The following TUBE1 variants were observed in gnomAD, a reference collection of about 807,000 sequenced individuals.
TUBE1 encodes the protein tubulin epsilon chain.
Under a neutral mutation model 53.5 loss-of-function variants are expected in TUBE1, and 34 were observed. The ratio of observed to expected loss-of-function variants is 0.64; its 90% CI spans 0.48 to 0.85. The LOEUF is 0.85. Ranked by LOEUF, TUBE1 falls within the 40% of genes least tolerant of loss-of-function variation. The pLI is 0.00. For missense variants in TUBE1, 532 were observed against 570.5 expected (o/e 0.93, Z 0.69); for synonymous variants, 177 against 198.4 (o/e 0.89, Z 0.91).
At position 112,087,436 on chromosome 6, in the gene TUBE1, G is replaced by C. The variant is rs147330886; in HGVS notation, c.-2C>G. 8.5e-4 allele frequency: 1,322 copies of C among 1,550,382 alleles called. 16 individuals are homozygous for C. The African/African-American group carries it at 0.016, about 19-fold the overall frequency. On this transcript the variant is annotated 5_prime_UTR_variant, in exon 1 of 12. Transcript: ENST00000368662. The stretch of plus-strand genomic sequence containing the variant: ...CTGTACGACCACCGACTGGGTCATG[G>C]TGGTGCGCCGCCGGCTCCGGGAGCT...
intron 8 of TUBE1, chr6:112,075,720 G>A: frequency 2.6e-6 from 1 of 386,976 alleles, no homozygotes; most frequent in Non-Finnish European, 4.6e-6. Context: ...TACATCATAT[G>A]ATATCTGTTC....
intron 7 of TUBE1, 56 bp from the exon 8 acceptor site, chr6:112,076,168 T>C: frequency 6.6e-7 from 1 of 1,519,454 alleles, no homozygotes; most frequent in Non-Finnish European, 8.9e-7. Flanking sequence ...ATGTAGATGA[T>C]ATTCTACTAG....
chr6:112,084,334 A>G, intron 3 of TUBE1, 88 bp from the exon 4 acceptor site: 1 of 1,082,516 alleles, frequency 9.2e-7, no homozygotes, highest in Admixed American at 1.9e-5. Context: ...CATTTATATA[A>G]TAAGACTGCT....
Position 112,071,359 on chromosome 6 carries a change from A to G in TUBE1, c.*53T>C. The G allele has an allele frequency of 1.4e-6, 2 of 1,409,190 alleles. No homozygotes were observed. The highest frequency in any genetic ancestry group is 1.9e-6 in the Non-Finnish European group (2 of 1,064,760). The allele number at this position is 1,409,190 out of a possible 1,614,324, so 87.3% of individuals were successfully genotyped here. A position where few individuals can be genotyped will look rare whatever the true frequency, so the allele number is the denominator to read the frequency against. On this transcript the variant is annotated 3_prime_UTR_variant, in exon 12 of 12. Coordinates refer to ENST00000368662, the MANE Select transcript of TUBE1 (RefSeq NM_016262.5). ...CAAATTACAAAAATGTTGAAACAGAAAGGTCAGAAAAAACAATGTGAAATT... is the reference window on the plus strand; with the variant it reads ...CAAATTACAAAAATGTTGAAACAGAGAGGTCAGAAAAAACAATGTGAAATT...
intron 9 of TUBE1, among the ~76,000 whole-genome samples, chr6:112,073,719 A>C (rs1252452252): frequency 2.6e-5 from 4 of 152,186 alleles, no homozygotes; most frequent in African/African-American, 9.6e-5. Context: ...ATCTTGTCAA[A>C]ACTTTAGTTA....
intron 11 of TUBE1, 114 bp downstream of exon 11, chr6:112,071,788 T>G: frequency 8.1e-6 from 9 of 1,106,896 alleles, no homozygotes; most frequent in Non-Finnish European, 1.1e-5. Context: ...TTATAATCAG[T>G]ACAACGCACA....
intron 6 of TUBE1, among the ~76,000 whole-genome samples, chr6:112,079,136 T>C (rs1462523232): frequency 6.6e-6 from 1 of 152,014 alleles, no homozygotes; most frequent in Admixed American, 6.6e-5. Context: ...TCTAAAGGAA[T>C]TGACTAAACT....
chr6:112,081,207 C>A lies in TUBE1; in HGVS notation c.211G>T (p.Ala71Ser). 6.6e-7 allele frequency: 1 copy of A among 1,521,520 alleles called. No homozygotes were observed. The highest frequency in any genetic ancestry group is 9.0e-7 in the Non-Finnish European group (1 of 1,111,136). 94.3% of individuals were successfully genotyped at this position (1,521,520 alleles called of 1,614,324 possible). The change falls in exon 5 of 12, where the codon GCA (alanine) becomes TCA (serine). Residue 71 changes from alanine to serine, a missense_variant and splice_region_variant. Physicochemically the swap from Ala to Ser is moderately conservative, Grantham distance 99. Coordinates refer to ENST00000368662, the MANE Select transcript of TUBE1 (RefSeq NM_016262.5). ...KGKICSLKAR[A>S]VLIDMEEGVV... ...CCTTCTTCCATATCAATCAAGACTG[C>A]CTGAGAAAGAAAAATAAAATATAAT...
Position 112,081,189 on chromosome 6 carries a change from C to G in TUBE1, c.229G>C (p.Glu77Gln). ...AGAATTTCATTCACTACCCCTTCTT[C>G]CATATCAATCAAGACTGCCTGAGAA... is the stretch of plus-strand genomic sequence containing the variant. ...LKARAVLIDM[E>Q]EGVVNEILQG... is the part of the protein sequence containing the mutation. The change falls in exon 5 of 12, where the codon GAA (glutamate) becomes CAA (glutamine). Residue 77 changes from glutamate to glutamine, a missense_variant. Transcript: ENST00000368662. 1.3e-6 allele frequency: 2 copies of G among 1,599,676 alleles called. No homozygotes were observed. The highest frequency in any genetic ancestry group is 8.5e-7 in the Non-Finnish European group (1 of 1,170,734).
At chr6:112,085,788 C>A (rs1554317258) in intron 3 of TUBE1, 1 of 461,936 alleles carries the variant, frequency 2.2e-6, no homozygotes. Flanking sequence ...AGAATTTGGT[C>A]TTTGGTTAAC....
chr6:112,075,052 CATTT>C (rs1475735803), intron 8 of TUBE1: 1 of 232,766 alleles, frequency 4.3e-6, no homozygotes, highest in East Asian at 7.5e-5. Flanking sequence ...ACAACATCTA[CATTT>C]TTTTTTTCTT....
In TUBE1 at chr6:112,071,589, G is replaced by A; in HGVS notation, c.1270-19C>T. 1 of 1,571,026 alleles carries A rather than the reference G, an allele frequency of 6.4e-7. No homozygotes were observed. Among genetic ancestry groups the A allele is most frequent in the Non-Finnish European group, 8.7e-7 (1 of 1,153,472 alleles). On this transcript the variant is annotated intron_variant, in intron 11 of 11. Coordinates refer to ENST00000368662, the MANE Select transcript of TUBE1 (RefSeq NM_016262.5). ...GGTGAGCCTATAAATTAAAAAATTA[G>A]GTAACGTTTACCATTTCAGGAACTT...
intron 4 of TUBE1, 39 bp from the exon 5 acceptor site, chr6:112,081,246 TTTAGAG>T (rs1436355464): frequency 1.4e-5 from 16 of 1,158,604 alleles, no homozygotes; most frequent in Non-Finnish European, 2.0e-5. Context: ...TGTATTTTCT[TTTAGAG>T]TTATTCACTC....
rs1554315217 is a variant in TUBE1 at position 112,071,015 on chromosome 6, T to A, written c.*397A>T. On this transcript the variant is annotated 3_prime_UTR_variant, in exon 12 of 12. Transcript: ENST00000368662. ...GTTCTTCTACTCCCAATAACTACTTTTAAAGAATCAGGATAACTTAAATAG... is the reference window on the plus strand; with the variant it reads ...GTTCTTCTACTCCCAATAACTACTTATAAAGAATCAGGATAACTTAAATAG... The A allele has an allele frequency of 6.6e-6, 1 of 152,010 alleles. No homozygotes were observed. Among genetic ancestry groups the A allele is most frequent in the Non-Finnish European group, 1.5e-5 (1 of 67,962 alleles). 9.4% of individuals were successfully genotyped at this position (152,010 alleles called of 1,614,324 possible).
intron 2 of TUBE1, chr6:112,086,948 T>G (rs1431012634): frequency 7.8e-6 from 4 of 511,816 alleles, no homozygotes; most frequent in African/African-American, 1.9e-5. Context: ...GTTATCTATT[T>G]TACAAAGTAC....
At chr6:112,081,324 T>G in intron 4 of TUBE1, 117 bp from the exon 5 acceptor site, 2 of 445,254 alleles carry the variant, frequency 4.5e-6, no homozygotes, top group Non-Finnish European at 3.9e-6. Context: ...TTAAGCTTAA[T>G]TAAAATCTTT....
rs1464005765 is a variant in TUBE1 at position 112,071,431 on chromosome 6, C to T, written c.1409G>A (p.Arg470Lys). 1 of 1,589,442 alleles carries T rather than the reference C, an allele frequency of 6.3e-7. No individual in the cohort carries two copies. The highest frequency in any genetic ancestry group is 1.3e-5 in the African/African-American group (1 of 74,642). Reference protein sequence around the residue: ...TKNMPVQDLPRLSIAM With the variant: ...TKNMPVQDLPKLSIAM ...TCTTTTTCACATAGCTATGCTTAGT[C>T]TGGGTAAATCCTGCACAGGCATGTT... Residue 470 changes from arginine to lysine, a missense_variant, in exon 12 of 12, where the codon AGA (arginine) becomes AAA (lysine). Arg to Lys is a conservative substitution (Grantham distance 26). Transcript: ENST00000368662.
chr6:112,081,377 T>C (rs1777068441), intron 4 of TUBE1, among the ~76,000 whole-genome samples, 170 bp from the exon 5 acceptor site: 2 of 152,090 alleles, frequency 1.3e-5, no homozygotes, highest in African/African-American at 4.8e-5. Flanking sequence ...TTTCACTCTG[T>C]TTGAAAGGTG....
intron 6 of TUBE1, chr6:112,077,967 A>G (rs1777000273): frequency 6.6e-6 from 1 of 152,102 alleles, no homozygotes; most frequent in Non-Finnish European, 1.5e-5. Context: ...GAAACATTTA[A>G]CTCATAATAA....
Sources: allele counts gnomAD v4.1 joint callset (sites outside exome capture counted in the v4.1 genomes callset), GRCh38; gene constraint gnomAD v4.1.1; transcripts MANE v1.5; gene names NCBI Gene and HGNC (gene_info 2026-07-23, HGNC 2026-07-21).